MX1: variants seen among roughly 807,000 people sequenced by gnomAD.
MX1 encodes interferon-induced GTP-binding protein Mx1.
Under a neutral mutation model 66.4 loss-of-function variants are expected in MX1, and 66 were observed. The observed-to-expected ratio is 0.99, with a 90% CI of 0.82 to 1.22. The LOEUF is 1.22. Among genes scored for constraint, MX1 ranks in the 50% most tolerant of loss-of-function variants. The pLI is 0.00. For synonymous variants in MX1, 311 were observed against 318.1 expected (o/e 0.98, Z 0.24); for missense variants, 787 against 834.3 (o/e 0.94, Z 0.70).
At chr21:41,425,889 C>G (rs1307795385), upstream of MX1, 1 of 152,242 alleles carries the variant, frequency 6.6e-6, no homozygotes, top group Non-Finnish European at 1.5e-5. Flanking sequence ...TGAAGACCCC[C>G]AATTACCAAT....
intron 16 of MX1, among the ~76,000 whole-genome samples, chr21:41,456,964 A>G (rs2090974729): frequency 6.6e-6 from 1 of 152,046 alleles, no homozygotes; most frequent in South Asian, 2.1e-4. Flanking sequence ...GTTTCACCAT[A>G]TTGGCCAGGC....
rs1363746742 is a variant in MX1, at chr21:41,445,588, C to T, written c.1131+18C>T. ...TGATAGATGTGAGTGTTGCCAGCTG[C>T]ATGGAGCTGGAGAAGCACATGTCAT... On this transcript the variant is annotated intron_variant, in intron 12 of 16. Transcript: ENST00000398598. 6.2e-7 allele frequency: 1 copy of T among 1,613,868 alleles called. No individual in the cohort carries two copies. Among genetic ancestry groups the T allele is most frequent in the Non-Finnish European group, 8.5e-7 (1 of 1,179,982 alleles).
chr21:41,453,077 A>G (rs2090874831), intron 16 of MX1, among the ~76,000 whole-genome samples: 1 of 152,170 alleles, frequency 6.6e-6, no homozygotes, highest in Non-Finnish European at 1.5e-5. Context: ...GGTTTAACGG[A>G]CTTACAGTTC....
chr21:41,430,036 G>A (rs564189196), intron 3 of MX1: 27 of 152,282 alleles, frequency 1.8e-4, no homozygotes, highest in African/African-American at 6.5e-4. Context: ...TGGTGTTGGG[G>A]ACGTGTTCTT....
upstream of MX1, chr21:41,421,296 C>G (rs1261207920): frequency 6.6e-6 from 1 of 152,258 alleles, no homozygotes; most frequent in Non-Finnish European, 1.5e-5. Flanking sequence ...AACGTACAAT[C>G]GGGTTTTATA....
intron 16 of MX1, among the ~76,000 whole-genome samples, chr21:41,456,219 G>C (rs1436315465): frequency 6.6e-6 from 1 of 152,172 alleles, no homozygotes; most frequent in Non-Finnish European, 1.5e-5. Flanking sequence ...ACTCCAGCCT[G>C]GGTGACAGAG....
At chr21:41,447,685 A>T (rs941517680) in intron 13 of MX1, among the ~76,000 whole-genome samples, 1 of 152,004 alleles carries the variant, frequency 6.6e-6, no homozygotes, top group Admixed American at 6.6e-5. Context: ...ATGTCTGGGG[A>T]TGGTCGCACA....
In MX1 at chr21:41,433,968, A is replaced by G. The variant is rs114520921; in HGVS notation, c.105+1793A>G. Among the ~76,000 whole-genome samples, 883 of 152,344 alleles carry G rather than the reference A, an allele frequency of 5.8e-3. 10 individuals are homozygous for G. The highest frequency in any genetic ancestry group is 0.021 in the African/African-American group (856 of 41,578). On this transcript the variant is annotated intron_variant, in intron 5 of 16. Coordinates refer to ENST00000398598, the MANE Select transcript of MX1 (RefSeq NM_002462.5). Reference sequence around the variant, plus strand: ...ATTTTGCTCCCTGGAACTTGTGGCCAGGTCTAGAGACATCTTGGTTGTCAC... The same window carrying G: ...ATTTTGCTCCCTGGAACTTGTGGCCGGGTCTAGAGACATCTTGGTTGTCAC...
At chr21:41,442,054 A>G in intron 10 of MX1, 140 bp downstream of exon 10, 1 of 753,260 alleles carries the variant, frequency 1.3e-6, no homozygotes, top group Non-Finnish European at 2.2e-6. Context: ...TGTGTGTGTG[A>G]CTATGCTTGT....
At chr21:41,443,423 T>C (rs2090572848) in intron 10 of MX1, 1 of 181,060 alleles carries the variant, frequency 5.5e-6, no homozygotes, top group African/African-American at 2.4e-5. Context: ...TATGAAGATA[T>C]GTCTGTATCC....
intron 14 of MX1, among the ~76,000 whole-genome samples, chr21:41,450,235 G>A (rs191535804): frequency 4.6e-5 from 7 of 152,238 alleles, no homozygotes; most frequent in Admixed American, 2.0e-4. Flanking sequence ...GAGTGCTGTA[G>A]GAATCTAGGT....
intron 16 of MX1, among the ~76,000 whole-genome samples, chr21:41,458,320 T>C (rs76631384): frequency 0.024 from 3,591 of 152,314 alleles, 117 homozygotes; most frequent in African/African-American, 0.072. Flanking sequence ...ATATGACTCA[T>C]AGCTGGGACA....
chr21:41,439,246 A>T (rs775564231), intron 7 of MX1, among the ~76,000 whole-genome samples: 10 of 152,134 alleles, frequency 6.6e-5, no homozygotes, highest in African/African-American at 9.7e-5. Flanking sequence ...TCTTAATGGG[A>T]TGTTAACAGC....
intron 13 of MX1, among the ~76,000 whole-genome samples, chr21:41,447,144 G>A (rs911125420): frequency 3.3e-5 from 5 of 152,216 alleles, no homozygotes; most frequent in African/African-American, 9.7e-5. Context: ...AGATCAAGAT[G>A]TTGGTGGAGC....
chr21:41,425,530 C>T (rs549210134), upstream of MX1, among the ~76,000 whole-genome samples: 1 of 152,310 alleles, frequency 6.6e-6, no homozygotes, highest in Non-Finnish European at 1.5e-5. Context: ...ACCTGCAAGT[C>T]ACAGGGGATG....
At chr21:41,433,290 C>G (rs1382419889) in intron 5 of MX1, among the ~76,000 whole-genome samples, 1 of 152,240 alleles carries the variant, frequency 6.6e-6, no homozygotes, top group Non-Finnish European at 1.5e-5. Flanking sequence ...ACCAGGCTCT[C>G]CAGGTGATTC....
chr21:41,431,292 G>T (rs897398763), intron 4 of MX1, among the ~76,000 whole-genome samples: 1 of 152,102 alleles, frequency 6.6e-6, no homozygotes, highest in African/African-American at 2.4e-5. Flanking sequence ...CAAAGTGCTG[G>T]GTGGGATACA....
At chr21:41,445,781 T>C in intron 12 of MX1, 1 of 817,656 alleles carries the variant, frequency 1.2e-6, no homozygotes, top group Non-Finnish European at 1.9e-6. Context: ...TCAGGCTGCG[T>C]TGTGCCTACT....
At chr21:41,423,827 G>C (rs1221395127), upstream of MX1, among the ~76,000 whole-genome samples, 3 of 152,214 alleles carry the variant, frequency 2.0e-5, no homozygotes, top group African/African-American at 7.2e-5. Context: ...GACTGCGGTG[G>C]ACAAGGGAAG....
Sources: allele counts gnomAD v4.1 joint callset (sites outside exome capture counted in the v4.1 genomes callset), GRCh38; gene constraint gnomAD v4.1.1; transcripts MANE v1.5; gene names NCBI Gene and HGNC (gene_info 2026-07-23, HGNC 2026-07-21).